AKR7A3: variants seen among roughly 807,000 people sequenced by gnomAD.
AKR7A3 encodes aldo-keto reductase family 7 member A3, also known as AFB1 aldehyde reductase 2.
In AKR7A3, 37 loss-of-function variants were observed where a neutral mutation model predicts 32.5. That is an observed-to-expected ratio of 1.14 (90% confidence interval 0.88 to 1.50). AKR7A3 has a LOEUF of 1.50. Among genes scored for constraint, AKR7A3 ranks in the 40% most tolerant of loss-of-function variants. The pLI is 0.00. For synonymous variants in AKR7A3, 177 were observed against 188.4 expected, an observed-to-expected ratio of 0.94 and a Z score of 0.50; for missense variants, 412 against 453.2, an observed-to-expected ratio of 0.91 and a Z score of 0.83.
the AKR7A3 span, among the ~76,000 whole-genome samples, chr1:19,274,675 G>A: frequency 1.7e-4 from 26 of 151,558 alleles, no homozygotes; most frequent in African/African-American, 6.1e-4. Flanking sequence ...ACTGACTGTG[G>A]TGGTTTACGC....
In AKR7A3 at chr1:19,284,064, A is replaced by C. The variant is rs538211675; in HGVS notation, c.766T>G (p.Tyr256Asp). The change falls in exon 6 of 7, where the codon TAT (tyrosine) becomes GAT (aspartate). Residue 256 changes from tyrosine to aspartate, a missense_variant. Physicochemically the swap from Tyr to Asp is radical, Grantham distance 160. Coordinates refer to ENST00000361640, the MANE Select transcript of AKR7A3 (RefSeq NM_012067.3). ...ALVEKALQAA[Y>D]GASAPSMTSA... ...GTCATGCTGGGGGCGCTGGCGCCAT[A>C]CGCGGCCTGCAGGGCCTTCTCCACC... The C allele has an allele frequency of 1.2e-6, 2 of 1,613,748 alleles. No individual in the cohort carries two copies. The highest frequency in any genetic ancestry group is 2.2e-5 in the South Asian group (2 of 91,064).
At chr1:19,277,969 C>T (rs1043257998), downstream of AKR7A3, among the ~76,000 whole-genome samples, 7 of 151,934 alleles carry the variant, frequency 4.6e-5, no homozygotes, top group Admixed American at 2.0e-4. Flanking sequence ...ACATTCTAAA[C>T]TTTGATGGTG....
chr1:19,286,002 T>G lies in AKR7A3; in HGVS notation c.403-10A>C. The G allele has an allele frequency of 6.2e-7, 1 of 1,613,578 alleles. No individual in the cohort carries two copies. Among genetic ancestry groups the G allele is most frequent in the African/African-American group, 1.3e-5 (1 of 74,666 alleles). On this transcript the variant is annotated splice_polypyrimidine_tract_variant and intron_variant, in intron 2 of 6. Coordinates refer to ENST00000361640, the MANE Select transcript of AKR7A3 (RefSeq NM_012067.3). ...GCTCCACGAACTTGCCCTGCTCAGGTGAGGCTCCAGTCAGAACATAGTGCA... is the reference window on the plus strand; with the variant it reads ...GCTCCACGAACTTGCCCTGCTCAGGGGAGGCTCCAGTCAGAACATAGTGCA...
chr1:19,280,184 G>A (rs1229864372), downstream of AKR7A3, among the ~76,000 whole-genome samples: 1 of 151,788 alleles, frequency 6.6e-6, no homozygotes, highest in Non-Finnish European at 1.5e-5. Context: ...TTCTTTTGTT[G>A]TTTGTGCTTC....
At chr1:19,276,973 GC>G in the AKR7A3 span, among the ~76,000 whole-genome samples, 49 of 151,756 alleles carry the variant, frequency 3.2e-4, 3 homozygotes, top group African/African-American at 1.1e-3. Flanking sequence ...AATTAGCCGG[GC>G]GTGGTGGCTC....
downstream of AKR7A3, among the ~76,000 whole-genome samples, chr1:19,277,870 C>A (rs1202210210): frequency 6.6e-6 from 1 of 151,942 alleles, no homozygotes; most frequent in Non-Finnish European, 1.5e-5. Context: ...ATTGCAGCTA[C>A]AAGTTTCTTT....
In AKR7A3 at chr1:19,285,072, A is replaced by G. The variant is rs370254066; in HGVS notation, c.550T>C (p.Phe184Leu). 2.5e-6 allele frequency: 4 copies of G among 1,613,266 alleles called. No individual in the cohort carries two copies. Among genetic ancestry groups the G allele is most frequent in the East Asian group, 2.2e-5 (1 of 44,866 alleles). ...AGTCCAAAGTGCCTGAGGCAGGGGA[A>G]GAGCTCCGTTTCCACCTGCCGGGTG... is the stretch of plus-strand genomic sequence containing the variant. ...AITRQVETEL[F>L]PCLRHFGLRF... Residue 184 changes from phenylalanine to leucine, a missense_variant, in exon 4 of 7, where the codon TTC becomes CTC. By Grantham distance (22) the Phe-to-Leu change is conservative. Coordinates refer to ENST00000361640, the MANE Select transcript of AKR7A3 (RefSeq NM_012067.3).
In AKR7A3 at chr1:19,284,029, G is replaced by A. The variant is rs754723873; in HGVS notation, c.801C>T (p.Thr267=). ...GTGAGTGGTGGTACATCCACCGGAG[G>A]GTGGCCGAGGTCATGCTGGGGGCGC... is the stretch of plus-strand genomic sequence containing the variant. ...GASAPSMTSA[T]LRWMYHHSQL... is the part of the protein sequence containing the mutation. The change falls in exon 6 of 7, where the codon ACC becomes ACT. Residue 267 remains threonine (T), a synonymous_variant. Coordinates refer to ENST00000361640, the MANE Select transcript of AKR7A3 (RefSeq NM_012067.3). 1.2e-6 allele frequency: 2 copies of A among 1,613,612 alleles called. No individual in the cohort carries two copies. Among genetic ancestry groups the A allele is most frequent in the Admixed American group, 3.3e-5 (2 of 60,022 alleles).
chr1:19,274,721 C>T, the AKR7A3 span, among the ~76,000 whole-genome samples: 4 of 150,336 alleles, frequency 2.7e-5, no homozygotes, highest in Admixed American at 6.6e-5. Context: ...CAAGGCAGGA[C>T]GATCGCCTGA....
At chr1:19,285,477 T>C (rs2093727972) in intron 3 of AKR7A3, among the ~76,000 whole-genome samples, 1 of 151,522 alleles carries the variant, frequency 6.6e-6, no homozygotes, top group South Asian at 2.1e-4. Flanking sequence ...ACCAAGCAGG[T>C]GTGCAAATAT....
rs182478203 is a variant in AKR7A3, at chr1:19,284,053, G to A, written c.777C>T (p.Ser259=). 624 of 1,613,700 alleles carry A rather than the reference G, an allele frequency of 3.9e-4. 7 individuals are homozygous for A. The East Asian group carries it at 9.3e-3, about 24-fold the overall frequency. Reference sequence around the variant, plus strand: ...GGGTGGCCGAGGTCATGCTGGGGGCGCTGGCGCCATACGCGGCCTGCAGGG... The same window carrying A: ...GGGTGGCCGAGGTCATGCTGGGGGCACTGGCGCCATACGCGGCCTGCAGGG... The part of the protein sequence containing the change: ...EKALQAAYGA[S]APSMTSATLR... Residue 259 remains serine, a synonymous_variant, in exon 6 of 7, where the codon AGC becomes AGT. Transcript: ENST00000361640.
chr1:19,286,179 C>CCT lies in AKR7A3; in HGVS notation c.402+4_402+5dup. 6.2e-7 allele frequency: 1 copy of CCT among 1,612,390 alleles called. No homozygotes were observed. The highest frequency in any genetic ancestry group is 1.3e-5 in the African/African-American group (1 of 74,654). ...ACCACCTCCCAGAGCTCAGGGGTCC[C>CCT]CTCACCTCCTGGTGCAGCTGGTGGC... On this transcript the variant is annotated splice_donor_region_variant and intron_variant, in intron 2 of 6. Transcript: ENST00000361640.
At chr1:19,285,398 T>C (rs187206324) in intron 3 of AKR7A3, among the ~76,000 whole-genome samples, 43 of 151,018 alleles carry the variant, frequency 2.8e-4, no homozygotes, top group Admixed American at 1.5e-3. Flanking sequence ...TAAGGTCAAG[T>C]ATAAACAGTT....
rs2093726195 is a variant in AKR7A3 at position 19,284,784 on chromosome 1, C to T, written c.606G>A (p.Gly202=). The T allele has an allele frequency of 1.2e-6, 2 of 1,613,766 alleles. No individual in the cohort carries two copies. Among genetic ancestry groups the T allele is most frequent in the African/African-American group, 2.7e-5 (2 of 74,688 alleles). ...ACTTGTACTTGCCGGTCAGCAGGCC[C>T]CCTGAGGGAAAGCAGCAATCAGCCC... ...LRFYAFNPLA[G]GLLTGKYKYE... Residue 202 remains glycine (G), a splice_region_variant and synonymous_variant, in exon 5 of 7, where the codon GGG becomes GGA. Coordinates refer to ENST00000361640, the MANE Select transcript of AKR7A3 (RefSeq NM_012067.3).
rs2093729555 is a variant in AKR7A3, at chr1:19,286,236, G to A, written c.351C>T (p.His117=). ...GCAGTGTCTCTTCCACCGGGGTGCTGTGGTCTGGCATATGCAGGTAGAAGA... is the reference window on the plus strand; with the variant it reads ...GCAGTGTCTCTTCCACCGGGGTGCTATGGTCTGGCATATGCAGGTAGAAGA... The part of the protein sequence containing the change: ...VDLFYLHMPD[H]STPVEETLRA... Residue 117 remains histidine, a synonymous_variant, in exon 2 of 7, where the codon CAC becomes CAT. Coordinates refer to ENST00000361640, the MANE Select transcript of AKR7A3 (RefSeq NM_012067.3). The A allele has an allele frequency of 6.2e-7, 1 of 1,613,528 alleles. No individual in the cohort carries two copies. Among genetic ancestry groups the A allele is most frequent in the Non-Finnish European group, 8.5e-7 (1 of 1,180,032 alleles).
rs1261079320 is a variant in AKR7A3 at position 19,285,577 on chromosome 1, C to T, written c.507+311G>A. Among the ~76,000 whole-genome samples, 11 of 151,494 alleles carry T rather than the reference C, an allele frequency of 7.3e-5. No individual in the cohort carries two copies. The South Asian group carries it at 1.0e-3, about 14-fold the overall frequency. ...AGAAAGGCTTCCAGAGGAAGAGACACGTATGTGAGACCTGAACCATTCTCT... is the reference window on the plus strand; with the variant it reads ...AGAAAGGCTTCCAGAGGAAGAGACATGTATGTGAGACCTGAACCATTCTCT... On this transcript the variant is annotated intron_variant, in intron 3 of 6. Coordinates refer to ENST00000361640, the MANE Select transcript of AKR7A3 (RefSeq NM_012067.3).
At chr1:19,274,259 G>T in the AKR7A3 span, 1 of 1,249,208 alleles carries the variant, frequency 8.0e-7, no homozygotes, top group Non-Finnish European at 1.0e-6. Flanking sequence ...TCTCAACCAC[G>T]AGGACCGTCT....
In AKR7A3 at chr1:19,286,365, A is replaced by C. The variant is rs746853465; in HGVS notation, c.222T>G (p.Ile74Met). The C allele has an allele frequency of 1.2e-5, 20 of 1,613,416 alleles. No homozygotes were observed. Among genetic ancestry groups the C allele is most frequent in the Non-Finnish European group, 1.6e-5 (19 of 1,179,830 alleles). ...CAAACAGTGGAATGGCCTTGGTATC[A>C]ATTTTCACTGAGAGGAAAGAGAAAT... ...RLGGSDCRVKIDTKAIPLFGN... is the reference protein window; with the variant it reads ...RLGGSDCRVKMDTKAIPLFGN... Residue 74 changes from isoleucine to methionine, a missense_variant, in exon 2 of 7, where the codon ATT becomes ATG. By Grantham distance (10) the Ile-to-Met change is conservative (BLOSUM62 1). Coordinates refer to ENST00000361640, the MANE Select transcript of AKR7A3 (RefSeq NM_012067.3).
At chr1:19,286,778 T>G (rs567159617) in intron 1 of AKR7A3, among the ~76,000 whole-genome samples, 1 of 151,766 alleles carries the variant, frequency 6.6e-6, no homozygotes, top group Non-Finnish European at 1.5e-5. Context: ...CTTTTCACAC[T>G]TAGAAAGTCA....
Sources: allele counts gnomAD v4.1 joint callset (sites outside exome capture counted in the v4.1 genomes callset), GRCh38; gene constraint gnomAD v4.1.1; transcripts MANE v1.5; gene names NCBI Gene and HGNC (gene_info 2026-07-23, HGNC 2026-07-21).